Variants in RAP1B observed in about 807,000 individuals in gnomAD.
The protein encoded by RAP1B is RAP1B, member of RAS oncogene family.
RAP1B carries 1 observed loss-of-function variant against 27.5 expected under a neutral mutation model. The observed-to-expected ratio is 0.04, with a 90% CI of 0.01 to 0.17. The LOEUF (loss-of-function observed/expected upper bound fraction) is 0.17, where lower values mean the gene tolerates loss of function less well. Ranked by LOEUF, RAP1B falls within the 10% of genes least tolerant of loss-of-function variation. The pLI is 1.00. For synonymous variants in RAP1B, 75 were observed against 73.1 expected (o/e 1.03, Z -0.13); for missense variants, 84 against 214.8 (o/e 0.39, Z 3.81).
At chr12:68,644,213 C>G (rs935685773) in intron 1 of RAP1B, among the ~76,000 whole-genome samples, 2 of 152,136 alleles carry the variant, frequency 1.3e-5, no homozygotes, top group African/African-American at 4.8e-5. Flanking sequence ...TTAAATGATT[C>G]AAAATACTGA....
At chr12:68,636,023 C>T (rs927279779) in intron 1 of RAP1B, among the ~76,000 whole-genome samples, 3 of 151,588 alleles carry the variant, frequency 2.0e-5, no homozygotes, top group Admixed American at 6.6e-5. Context: ...GGACTACAAG[C>T]GCCCGCCACC....
At chr12:68,625,854 A>C (rs1366857331) in intron 1 of RAP1B, among the ~76,000 whole-genome samples, 1 of 151,876 alleles carries the variant, frequency 6.6e-6, no homozygotes, top group Non-Finnish European at 1.5e-5. Flanking sequence ...TCCAGGAGGC[A>C]GATGTTGCAG....
chr12:68,633,542 A>G (rs1006808632), intron 1 of RAP1B, among the ~76,000 whole-genome samples: 10 of 152,250 alleles, frequency 6.6e-5, no homozygotes, highest in African/African-American at 2.2e-4. Flanking sequence ...GCTTTTCCTC[A>G]GATTTCTGGG....
chr12:68,615,771 ATG>A (rs900515785), intron 1 of RAP1B, among the ~76,000 whole-genome samples: 3 of 152,238 alleles, frequency 2.0e-5, no homozygotes, highest in East Asian at 1.9e-4. Flanking sequence ...GTAGTTATAC[ATG>A]TGTATATATA....
intron 1 of RAP1B, among the ~76,000 whole-genome samples, chr12:68,612,103 C>T (rs1288452393): frequency 2.6e-5 from 4 of 152,062 alleles, no homozygotes; most frequent in Non-Finnish European, 4.4e-5. Context: ...CACATTTTTA[C>T]GGGGTAGAAA....
intron 1 of RAP1B, among the ~76,000 whole-genome samples, chr12:68,615,718 A>G (rs894733900): frequency 6.6e-6 from 1 of 152,158 alleles, no homozygotes; most frequent in Admixed American, 6.5e-5. Context: ...ATATCAAACC[A>G]TTTCCTAAAG....
rs574794934 is a variant in RAP1B at position 68,629,269 on chromosome 12, G to C, written c.-27+18226G>C. ...GCTAGGATTACAGGCGTGAGCCCTT[G>C]TGCCCAGCCAAATCCTTTATCTAAA... is the stretch of plus-strand genomic sequence containing the variant. On this transcript the variant is annotated intron_variant, in intron 1 of 7. Coordinates refer to ENST00000250559, the MANE Select transcript of RAP1B (RefSeq NM_001010942.3). Among the ~76,000 whole-genome samples, 5 of 152,288 alleles carry C rather than the reference G, an allele frequency of 3.3e-5. No homozygotes were observed. In the East Asian group the frequency reaches 9.7e-4, roughly 29 times the overall value.
At chr12:68,643,277 C>T (rs1436858633) in intron 1 of RAP1B, among the ~76,000 whole-genome samples, 2 of 152,092 alleles carry the variant, frequency 1.3e-5, no homozygotes, top group Non-Finnish European at 2.9e-5. Flanking sequence ...TAAAAATGAG[C>T]AAGCTTCTCA....
Position 68,669,781 on chromosome 12 carries a change from CAGAGCAAA to C in RAP1B, c.*10533_*10540del, listed in dbSNP as rs1875003928. The C allele has an allele frequency of 6.6e-6, 1 of 151,930 alleles. No homozygotes were observed. Among genetic ancestry groups the C allele is most frequent in the Admixed American group, 6.6e-5 (1 of 15,238 alleles). The allele number at this position is 151,930 out of a possible 1,614,324, so 9.4% of individuals were successfully genotyped here. ...TACCACTGCACTCCAGCCTGGGTGA[CAGAGCAAA>C]TCTCTATCTCAAGAAAAAGAAAAAA... On this transcript the variant is annotated 3_prime_UTR_variant, in exon 8 of 8. Coordinates refer to ENST00000250559, the MANE Select transcript of RAP1B (RefSeq NM_001010942.3).
intron 1 of RAP1B, chr12:68,627,117 T>C: frequency 6.3e-7 from 1 of 1,587,504 alleles, no homozygotes; most frequent in Admixed American, 1.7e-5. Flanking sequence ...GATGATAACT[T>C]GGCCAGTGTG....
chr12:68,626,917 T>C lies in RAP1B; in HGVS notation c.-27+15874T>C. 5 of 1,562,708 alleles carry C rather than the reference T, an allele frequency of 3.2e-6. No individual in the cohort carries two copies. The South Asian group carries it at 4.4e-5, about 14-fold the overall frequency. ...TTGTCCACAGGGCCACGATTGGAAA[T>C]GTACTTGACCCGACAGCCATCTGGG... On this transcript the variant is annotated intron_variant, in intron 1 of 7. Coordinates refer to ENST00000250559, the MANE Select transcript of RAP1B (RefSeq NM_001010942.3).
At position 68,614,284 on chromosome 12, in the gene RAP1B, C is replaced by T. The variant is rs146953898; in HGVS notation, c.-27+3241C>T. On this transcript the variant is annotated intron_variant, in intron 1 of 7. Coordinates refer to ENST00000250559, the MANE Select transcript of RAP1B (RefSeq NM_001010942.3). ...ACAAGGTGTCCATTTACTTTTTCCC[C>T]ATAAGTATTGTTTAAATAGGCTGTT... 2.7e-3 allele frequency among the ~76,000 whole-genome samples: 408 copies of T among 152,236 alleles called. 2 individuals carry two copies. Among genetic ancestry groups the T allele is most frequent in the African/African-American group, 9.6e-3 (397 of 41,532 alleles).
At chr12:68,635,234 A>G (rs1283220401) in intron 1 of RAP1B, among the ~76,000 whole-genome samples, 1 of 152,194 alleles carries the variant, frequency 6.6e-6, no homozygotes, top group Non-Finnish European at 1.5e-5. Context: ...TTTTCCTTCA[A>G]AAAGAATTTT....
At chr12:68,615,157 A>T (rs1221056424) in intron 1 of RAP1B, among the ~76,000 whole-genome samples, 1 of 152,162 alleles carries the variant, frequency 6.6e-6, no homozygotes, top group African/African-American at 2.4e-5. Flanking sequence ...TTTATTCCTA[A>T]TGTTGGTCAA....
chr12:68,653,681 C>T (rs750258304), intron 4 of RAP1B, among the ~76,000 whole-genome samples: 3 of 152,130 alleles, frequency 2.0e-5, no homozygotes, highest in Non-Finnish European at 2.9e-5. Context: ...GTAATCCCAG[C>T]ACTTTGGGAG....
intron 5 of RAP1B, among the ~76,000 whole-genome samples, chr12:68,655,129 A>G (rs1014507160): frequency 6.6e-6 from 1 of 151,930 alleles, no homozygotes; most frequent in Non-Finnish European, 1.5e-5. Context: ...TGGGCAACAT[A>G]GCAAAACCCT....
intron 6 of RAP1B, 148 bp downstream of exon 6, chr12:68,656,597 C>T (rs1389835331): frequency 1.1e-5 from 8 of 718,664 alleles, no homozygotes; most frequent in South Asian, 1.8e-5. Flanking sequence ...TTAAATGTAT[C>T]TATGTAGTAA....
At chr12:68,632,541 T>C (rs538392585) in intron 1 of RAP1B, among the ~76,000 whole-genome samples, 16 of 152,150 alleles carry the variant, frequency 1.1e-4, no homozygotes, top group Non-Finnish European at 1.5e-5. Context: ...ATTCAGATGA[T>C]AAAAAAGGCC....
intron 1 of RAP1B, among the ~76,000 whole-genome samples, chr12:68,630,407 T>C (rs543534576): frequency 6.6e-6 from 1 of 152,224 alleles, no homozygotes; most frequent in Admixed American, 6.5e-5. Context: ...CAAAATTTTA[T>C]TTACCAAAAA....
Sources: allele counts gnomAD v4.1 joint callset (sites outside exome capture counted in the v4.1 genomes callset), GRCh38; gene constraint gnomAD v4.1.1; transcripts MANE v1.5; gene names NCBI Gene and HGNC (gene_info 2026-07-23, HGNC 2026-07-21).